Variants in FRMD4A observed in about 807,000 individuals in gnomAD.
FRMD4A encodes the protein FERM domain-containing protein 4A.
In FRMD4A, 29 loss-of-function variants were observed where a neutral mutation model predicts 129.1. That is an observed-to-expected ratio of 0.22 (90% CI 0.17 to 0.31). The LOEUF (loss-of-function observed/expected upper bound fraction) is 0.31, where lower values mean the gene tolerates loss of function less well. Among genes scored for constraint, FRMD4A ranks in the 10% least tolerant of loss-of-function variants. FRMD4A has a pLI of 1.00. For missense variants in FRMD4A, 1,272 were observed against 1,375.8 expected, an observed-to-expected ratio of 0.92 and a Z score of 1.19; for synonymous variants, 634 against 571.6, an observed-to-expected ratio of 1.11 and a Z score of -1.56.
At chr10:13,772,845 G>A (rs183972319) in intron 6 of FRMD4A, among the ~76,000 whole-genome samples, 222 of 152,264 alleles carry the variant, frequency 1.5e-3, no homozygotes, top group African/African-American at 5.1e-3. Context: ...TCGTTAATGG[G>A]TACACAAAAA....
chr10:13,898,487 C>G (rs1180321700), intron 2 of FRMD4A, among the ~76,000 whole-genome samples: 14 of 152,164 alleles, frequency 9.2e-5, no homozygotes, highest in Admixed American at 9.2e-4. Flanking sequence ...AGGATGTAGT[C>G]AAATTTAATT....
intron 2 of FRMD4A, among the ~76,000 whole-genome samples, chr10:14,296,301 C>T (rs781740186): frequency 2.0e-5 from 3 of 152,204 alleles, no homozygotes; most frequent in Non-Finnish European, 4.4e-5. Flanking sequence ...ATAGAAAGAG[C>T]TAATATTTGA....
intron 4 of FRMD4A, among the ~76,000 whole-genome samples, chr10:13,806,686 C>T (rs1201213907): frequency 6.6e-6 from 1 of 152,240 alleles, no homozygotes; most frequent in African/African-American, 2.4e-5. Context: ...GCTGAGGTCA[C>T]ACCCAAGCTG....
intron 2 of FRMD4A, among the ~76,000 whole-genome samples, chr10:14,114,126 A>T (rs955533234): frequency 2.0e-5 from 3 of 152,222 alleles, no homozygotes; most frequent in African/African-American, 7.2e-5. Flanking sequence ...AAGGTCACTC[A>T]CTGCCGACTG....
chr10:13,893,675 C>T (rs1485519932), intron 2 of FRMD4A, among the ~76,000 whole-genome samples: 1 of 152,144 alleles, frequency 6.6e-6, no homozygotes, highest in Non-Finnish European at 1.5e-5. Flanking sequence ...GCACCCACCA[C>T]CATGCCCGGC....
At chr10:13,739,088 C>G (rs940986711) in intron 11 of FRMD4A, among the ~76,000 whole-genome samples, 5 of 152,242 alleles carry the variant, frequency 3.3e-5, no homozygotes, top group Middle Eastern at 3.4e-3. Flanking sequence ...CTAATACAAC[C>G]CCATAGTGGG....
At chr10:14,269,534 C>T (rs181526523) in intron 2 of FRMD4A, among the ~76,000 whole-genome samples, 5 of 152,244 alleles carry the variant, frequency 3.3e-5, no homozygotes, top group African/African-American at 4.8e-5. Context: ...GAGCCAGTGG[C>T]GTTAACATCT....
At chr10:13,985,094 C>T (rs2095576279) in intron 2 of FRMD4A, among the ~76,000 whole-genome samples, 1 of 152,252 alleles carries the variant, frequency 6.6e-6, no homozygotes, top group Non-Finnish European at 1.5e-5. Context: ...CTTCAGGTAA[C>T]CCTGTGCTCC....
At chr10:14,241,266 G>A (rs969132863) in intron 2 of FRMD4A, among the ~76,000 whole-genome samples, 10 of 152,180 alleles carry the variant, frequency 6.6e-5, no homozygotes, top group African/African-American at 2.4e-4. Flanking sequence ...TAGGCAATCA[G>A]TCCTCATTCA....
intron 2 of FRMD4A, among the ~76,000 whole-genome samples, chr10:14,236,261 C>A (rs1368289490): frequency 6.6e-6 from 1 of 152,232 alleles, no homozygotes; most frequent in African/African-American, 2.4e-5. Flanking sequence ...ACCATCCCAT[C>A]AGTAGAATGC....
intron 2 of FRMD4A, among the ~76,000 whole-genome samples, chr10:13,964,906 G>C (rs61172782): frequency 2.0e-5 from 3 of 151,818 alleles, no homozygotes; most frequent in African/African-American, 7.3e-5. Flanking sequence ...GGATGGTCTC[G>C]ATCTCTTGAC....
chr10:13,955,308 A>G (rs1225020601), intron 2 of FRMD4A, among the ~76,000 whole-genome samples: 1 of 152,020 alleles, frequency 6.6e-6, no homozygotes, highest in Non-Finnish European at 1.5e-5. Flanking sequence ...GGGTTTCGCC[A>G]TGTTGGCCAG....
chr10:14,137,645 C>T (rs1055712975), intron 2 of FRMD4A, among the ~76,000 whole-genome samples: 4 of 152,130 alleles, frequency 2.6e-5, no homozygotes, highest in Non-Finnish European at 5.9e-5. Context: ...TGAATGTAAA[C>T]ACCTCCCCCA....
rs1554858912 is a variant in FRMD4A, at chr10:13,714,030, A to ATATATAAAATATATAT, written c.760-6918_760-6917insATATATATTTTATATA. Reference sequence around the variant, plus strand: ...TAATATACATATATAAAATATACATATATATATATATATATATATATATAT... The same window carrying ATATATAAAATATATAT: ...TAATATACATATATAAAATATACATATATATAAAATATATATTATATATATATATATATATATATAT... On this transcript the variant is annotated intron_variant, in intron 12 of 24. Coordinates refer to ENST00000357447, the MANE Select transcript of FRMD4A (RefSeq NM_018027.5). Among the ~76,000 whole-genome samples the ATATATAAAATATATAT allele has an allele frequency of 9.5e-4, 62 of 65,358 alleles. 14 individuals carry two copies. Among genetic ancestry groups the ATATATAAAATATATAT allele is most frequent in the African/African-American group, 3.5e-3 (61 of 17,404 alleles). The allele number at this position is 65,358 out of a possible 152,430, so 42.9% of individuals were successfully genotyped here. A position where few individuals can be genotyped will look rare whatever the true frequency, so the allele number is the denominator to read the frequency against.
intron 12 of FRMD4A, among the ~76,000 whole-genome samples, chr10:13,714,006 A>AAAATACATAT (rs1210508106): frequency 5.6e-5 from 1 of 17,788 alleles, no homozygotes; most frequent in African/African-American, 1.7e-4. Context: ...ATACATATAT[A>AAAATACATAT]ATATACATAT....
chr10:13,947,741 G>A (rs1425066149), intron 2 of FRMD4A, among the ~76,000 whole-genome samples: 1 of 152,082 alleles, frequency 6.6e-6, no homozygotes, highest in African/African-American at 2.4e-5. Context: ...AAAGAACATA[G>A]ATCCTTCTGC....
At chr10:14,202,492 C>G (rs1161625930) in intron 2 of FRMD4A, among the ~76,000 whole-genome samples, 1 of 152,112 alleles carries the variant, frequency 6.6e-6, no homozygotes, top group Admixed American at 6.5e-5. Context: ...ACCTGCGCCT[C>G]CTGGGTTCAA....
intron 2 of FRMD4A, among the ~76,000 whole-genome samples, chr10:13,917,284 A>T (rs1208985533): frequency 7.1e-6 from 1 of 141,462 alleles, no homozygotes; most frequent in Non-Finnish European, 1.5e-5. Flanking sequence ...TCCATCACAG[A>T]TTTTTTTTTT....
intron 2 of FRMD4A, among the ~76,000 whole-genome samples, chr10:14,183,966 A>G (rs1163562245): frequency 6.6e-6 from 1 of 152,178 alleles, no homozygotes; most frequent in Admixed American, 6.5e-5. Context: ...GATATGGAAA[A>G]TAGCTCCAGA....
Sources: allele counts gnomAD v4.1 joint callset (sites outside exome capture counted in the v4.1 genomes callset), GRCh38; gene constraint gnomAD v4.1.1; transcripts MANE v1.5; gene names NCBI Gene and HGNC (gene_info 2026-07-23, HGNC 2026-07-21).